The following GPT2 variants were observed in gnomAD, a reference collection of about 807,000 sequenced individuals.
GPT2 encodes alanine aminotransferase 2.
A neutral mutation model predicts 56.9 loss-of-function variants in GPT2; 30 were observed. The observed-to-expected ratio is 0.53, with a 90% confidence interval of 0.39 to 0.72. The LOEUF is 0.72. Among genes scored for constraint, GPT2 ranks in the 30% least tolerant of loss-of-function variants. The pLI, the probability that GPT2 is intolerant of heterozygous loss-of-function variation, is 0.00. For missense variants in GPT2, 542 were observed against 703.4 expected (o/e 0.77, Z 2.60); for synonymous variants, 271 against 283.1 (o/e 0.96, Z 0.43).
intron 2 of GPT2, among the ~76,000 whole-genome samples, chr16:46,895,038 A>AC (rs1221054363): frequency 1.3e-5 from 2 of 151,696 alleles, no homozygotes; most frequent in East Asian, 1.9e-4. Context: ...GGCTTAGAGG[A>AC]CCCCCTTCCC....
chr16:46,915,857 GAC>G (rs1296203400), intron 6 of GPT2: 2 of 122,688 alleles, frequency 1.6e-5, no homozygotes, highest in African/African-American at 6.4e-5. Context: ...CACATACACA[GAC>G]ACATACACCC....
chr16:46,927,774 C>T (rs1433302222), intron 11 of GPT2, among the ~76,000 whole-genome samples: 1 of 152,222 alleles, frequency 6.6e-6, no homozygotes, highest in East Asian at 1.9e-4. Context: ...CACCCCTGGT[C>T]AGGCTCATCT....
At chr16:46,924,007 G>A in intron 9 of GPT2, 2 of 354,372 alleles carry the variant, frequency 5.6e-6, no homozygotes, top group South Asian at 2.2e-5. Context: ...ACTCCCTGGT[G>A]TCTGTGTGCC....
intron 2 of GPT2, among the ~76,000 whole-genome samples, chr16:46,886,376 C>T (rs146436810): frequency 6.9e-4 from 105 of 152,324 alleles, no homozygotes; most frequent in African/African-American, 2.4e-3. Flanking sequence ...GGAATTACCT[C>T]TGCCTTTTGC....
At position 46,918,617 on chromosome 16, in the gene GPT2, G is replaced by A. The variant is rs779209768; in HGVS notation, c.901-4G>A. Reference sequence around the variant, plus strand: ...TGGTGACCGTCCCTGCCGTGCCCCCGCAGGTGTACCAGGACAACGTGTACT... The same window carrying A: ...TGGTGACCGTCCCTGCCGTGCCCCCACAGGTGTACCAGGACAACGTGTACT... On this transcript the variant is annotated splice_region_variant and splice_polypyrimidine_tract_variant and intron_variant, in intron 7 of 11. Coordinates refer to ENST00000340124, the MANE Select transcript of GPT2 (RefSeq NM_133443.4). 2.1e-5 allele frequency: 34 copies of A among 1,613,868 alleles called. No individual in the cohort carries two copies. Among genetic ancestry groups the A allele is most frequent in the Non-Finnish European group, 2.7e-5 (32 of 1,179,930 alleles).
Position 46,884,953 on chromosome 16 carries a change from C to A in GPT2, c.238C>A (p.Gln80Lys). Reference sequence around the variant, plus strand: ...GGCCGGCGAGATCGAGCTCGAGCTGCAGCGGGTGAGCGCGCGCTGGGCCCC... The same window carrying A: ...GGCCGGCGAGATCGAGCTCGAGCTGAAGCGGGTGAGCGCGCGCTGGGCCCC... The part of the protein sequence containing the change: ...LKAGEIELEL[Q>K]RGIKKPFTEV... Residue 80 changes from glutamine (Q) to lysine (K), a missense_variant, in exon 2 of 12, where the codon CAG becomes AAG. Coordinates refer to ENST00000340124, the MANE Select transcript of GPT2 (RefSeq NM_133443.4). 1 of 1,508,950 alleles carries A rather than the reference C, an allele frequency of 6.6e-7. No homozygotes were observed. Among genetic ancestry groups the A allele is most frequent in the Non-Finnish European group, 8.9e-7 (1 of 1,124,360 alleles). 93.5% of individuals were successfully genotyped at this position (1,508,950 alleles called of 1,614,324 possible). A position where few individuals can be genotyped will look rare whatever the true frequency, so the allele number is the denominator to read the frequency against.
In GPT2 at chr16:46,884,966, C is replaced by T. The variant is rs1960454941; in HGVS notation, c.243+8C>T. The T allele has an allele frequency of 6.7e-7, 1 of 1,483,368 alleles. No individual in the cohort carries two copies. The highest frequency in any genetic ancestry group is 1.3e-5 in the South Asian group (1 of 77,668). 91.9% of individuals were successfully genotyped at this position (1,483,368 alleles called of 1,614,324 possible). A position where few individuals can be genotyped will look rare whatever the true frequency, so the allele number is the denominator to read the frequency against. On this transcript the variant is annotated splice_region_variant and intron_variant, in intron 2 of 11. Transcript: ENST00000340124. ...GAGCTCGAGCTGCAGCGGGTGAGCGCGCGCTGGGCCCCGGGGAGGCTGGGG... is the reference window on the plus strand; with the variant it reads ...GAGCTCGAGCTGCAGCGGGTGAGCGTGCGCTGGGCCCCGGGGAGGCTGGGG...
At chr16:46,907,020 G>A (rs988077296) in intron 5 of GPT2, 45 bp downstream of exon 5, 2 of 1,611,486 alleles carry the variant, frequency 1.2e-6, no homozygotes, top group African/African-American at 2.7e-5. Flanking sequence ...TTACCCACAT[G>A]AAGAGCAGCC....
At chr16:46,909,638 G>C (rs1270714896) in intron 5 of GPT2, 46 bp from the exon 6 acceptor site, 1 of 1,594,670 alleles carries the variant, frequency 6.3e-7, no homozygotes, top group African/African-American at 1.3e-5. Context: ...CTAGGTCAGG[G>C]ATGGGAAGTA....
intron 6 of GPT2, among the ~76,000 whole-genome samples, chr16:46,915,145 A>G (rs901131474): frequency 1.3e-5 from 2 of 151,952 alleles, no homozygotes; most frequent in African/African-American, 2.4e-5. Flanking sequence ...TCCTGGGCTC[A>G]AGCGGTCCTC....
At chr16:46,891,696 T>C (rs1433896345) in intron 2 of GPT2, among the ~76,000 whole-genome samples, 3 of 152,134 alleles carry the variant, frequency 2.0e-5, no homozygotes, top group Non-Finnish European at 4.4e-5. Context: ...GGTACAGGCA[T>C]GTAGTGTGTA....
intron 9 of GPT2, among the ~76,000 whole-genome samples, chr16:46,923,106 C>T (rs1029625425): frequency 4.6e-5 from 7 of 152,148 alleles, no homozygotes; most frequent in African/African-American, 7.2e-5. Context: ...CCCCTTAGCC[C>T]CAGCAGCCAC....
At chr16:46,928,366 TG>T (rs1474458311) in intron 11 of GPT2, among the ~76,000 whole-genome samples, 1 of 151,368 alleles carries the variant, frequency 6.6e-6, no homozygotes, top group Non-Finnish European at 1.5e-5. Flanking sequence ...GGCTCATGCC[TG>T]TAATCCCAGC....
chr16:46,898,286 C>T (rs1408840709), intron 3 of GPT2, among the ~76,000 whole-genome samples: 1 of 152,186 alleles, frequency 6.6e-6, no homozygotes, highest in African/African-American at 2.4e-5. Flanking sequence ...TGGGGACGGC[C>T]ACTGTGAGCC....
chr16:46,902,452 C>T (rs1408524177), intron 4 of GPT2, among the ~76,000 whole-genome samples: 10 of 152,140 alleles, frequency 6.6e-5, no homozygotes, highest in African/African-American at 1.2e-4. Context: ...TGTGGTCCTT[C>T]GCGTGACAGG....
In GPT2 at chr16:46,924,364, C is replaced by T. The variant is rs370563791; in HGVS notation, c.1213-25C>T. The T allele has an allele frequency of 8.1e-6, 13 of 1,613,264 alleles. No individual in the cohort carries two copies. The Admixed American group carries it at 2.0e-4, about 25-fold the overall frequency. ...AATCTTTATCCAGAGATACTGACTG[C>T]TGTGCTGTTTCCATCTCTCATCAGG... is the stretch of plus-strand genomic sequence containing the variant. On this transcript the variant is annotated intron_variant, in intron 9 of 11. Transcript: ENST00000340124.
intron 4 of GPT2, among the ~76,000 whole-genome samples, chr16:46,901,874 C>T (rs533199783): frequency 8.5e-5 from 13 of 152,342 alleles, no homozygotes; most frequent in African/African-American, 2.9e-4. Context: ...TGGGCTGGGG[C>T]CTTGTGTGCC....
chr16:46,913,475 C>A (rs891261706), intron 6 of GPT2, among the ~76,000 whole-genome samples: 1 of 152,174 alleles, frequency 6.6e-6, no homozygotes, highest in Non-Finnish European at 1.5e-5. Flanking sequence ...GAAGCTGGGG[C>A]CTGCCACCCT....
chr16:46,927,157 G>A (rs1186857776), intron 11 of GPT2, 120 bp downstream of exon 11: 27 of 574,224 alleles, frequency 4.7e-5, no homozygotes, highest in Admixed American at 3.9e-4. Flanking sequence ...GTCCTCTCTC[G>A]AGTCACCCCT....
Sources: allele counts gnomAD v4.1 joint callset (sites outside exome capture counted in the v4.1 genomes callset), GRCh38; gene constraint gnomAD v4.1.1; transcripts MANE v1.5; gene names NCBI Gene and HGNC (gene_info 2026-07-23, HGNC 2026-07-21).